The following CR1L variants were observed in gnomAD, a reference collection of about 807,000 sequenced individuals.
CR1L encodes the protein complement C3b/C4b receptor 1 like.
In CR1L, 59 loss-of-function variants were observed where a neutral mutation model predicts 62.3. The observed-to-expected ratio is 0.95, with a 90% CI of 0.77 to 1.18. The LOEUF (loss-of-function observed/expected upper bound fraction) is 1.18, where lower values mean the gene tolerates loss of function less well. Among genes scored for constraint, CR1L ranks in the 50% most tolerant of loss-of-function variants. The pLI, the probability that CR1L is intolerant of heterozygous loss-of-function variation, is 0.00. For missense variants in CR1L, 700 were observed against 702.8 expected, an observed-to-expected ratio of 1.00 and a Z score of 0.04; for synonymous variants, 279 against 248.7, an observed-to-expected ratio of 1.12 and a Z score of -1.15.
intron 1 of CR1L, among the ~76,000 whole-genome samples, chr1:207,648,174 AACACACACAC>A (rs71154832): frequency 8.8e-5 from 11 of 125,360 alleles, no homozygotes; most frequent in African/African-American, 1.9e-4. Context: ...CCCGGTCTCA[AACACACACAC>A]ACACACACAC....
At chr1:207,713,335 A>G (rs1244087370) in intron 10 of CR1L, among the ~76,000 whole-genome samples, 1 of 152,274 alleles carries the variant, frequency 6.6e-6, no homozygotes, top group African/African-American at 2.4e-5. Flanking sequence ...AAAACCAGTC[A>G]ATAATGGAAT....
intron 1 of CR1L, among the ~76,000 whole-genome samples, chr1:207,649,320 G>A (rs1054846229): frequency 2.0e-5 from 3 of 152,188 alleles, no homozygotes; most frequent in African/African-American, 7.2e-5. Context: ...TAGGGTAAAG[G>A]AGACAACAAA....
chr1:207,714,467 CT>C (rs1197867550), intron 10 of CR1L, among the ~76,000 whole-genome samples: 1 of 152,102 alleles, frequency 6.6e-6, no homozygotes, highest in Non-Finnish European at 1.5e-5. Context: ...CTGTCTTCAG[CT>C]TGAAGGTCGG....
chr1:207,654,594 C>T (rs925949666), intron 1 of CR1L, among the ~76,000 whole-genome samples: 3 of 152,164 alleles, frequency 2.0e-5, no homozygotes, highest in African/African-American at 4.8e-5. Flanking sequence ...TTCCTATACT[C>T]AATGAGCTAC....
chr1:207,720,949 C>T (rs977666863), intron 11 of CR1L, among the ~76,000 whole-genome samples: 136 of 152,180 alleles, frequency 8.9e-4, no homozygotes, highest in African/African-American at 3.0e-3. Flanking sequence ...CAATAGTCTC[C>T]CCACCTTCTG....
intron 1 of CR1L, among the ~76,000 whole-genome samples, chr1:207,647,326 G>A (rs972227853): frequency 6.6e-6 from 1 of 152,130 alleles, no homozygotes; most frequent in Non-Finnish European, 1.5e-5. Flanking sequence ...GTCCTGGAAC[G>A]TTCTCCCCAT....
At chr1:207,713,545 C>G (rs1173776143) in intron 10 of CR1L, among the ~76,000 whole-genome samples, 1 of 152,250 alleles carries the variant, frequency 6.6e-6, no homozygotes, top group African/African-American at 2.4e-5. Flanking sequence ...CCCACCCAGG[C>G]CGTGCCAGGC....
At chr1:207,691,999 G>A (rs74708352) in intron 4 of CR1L, among the ~76,000 whole-genome samples, 5,852 of 152,278 alleles carry the variant, frequency 0.038, 180 homozygotes, top group South Asian at 0.12. Flanking sequence ...ACAGAAGTGA[G>A]GTACAGAAAC....
intron 1 of CR1L, among the ~76,000 whole-genome samples, chr1:207,668,337 A>G (rs1412305610): frequency 2.6e-5 from 4 of 151,236 alleles, no homozygotes; most frequent in South Asian, 2.1e-4. Flanking sequence ...CTATTCAGCC[A>G]TAAGAAAGAA....
At chr1:207,663,958 C>A (rs1293799611) in intron 1 of CR1L, among the ~76,000 whole-genome samples, 1 of 152,136 alleles carries the variant, frequency 6.6e-6, no homozygotes, top group African/African-American at 2.4e-5. Flanking sequence ...TGCCTGCAGT[C>A]TTCCACACCT....
intron 9 of CR1L, among the ~76,000 whole-genome samples, chr1:207,705,545 GC>G (rs1664253894): frequency 6.6e-6 from 1 of 152,200 alleles, no homozygotes; most frequent in Non-Finnish European, 1.5e-5. Flanking sequence ...CAGAAAGGAA[GC>G]TTGTGGTGTC....
chr1:207,673,371 C>G (rs1673839109), intron 1 of CR1L, among the ~76,000 whole-genome samples: 1 of 152,110 alleles, frequency 6.6e-6, no homozygotes, highest in Non-Finnish European at 1.5e-5. Flanking sequence ...AGTGCATGCT[C>G]TTTTTTTAAG....
At chr1:207,709,301 G>C (rs1298792844) in intron 10 of CR1L, 1 of 155,640 alleles carries the variant, frequency 6.4e-6, no homozygotes. Context: ...CTATTCGGGA[G>C]ACTGAGAGGT....
chr1:207,710,501 A>G (rs1384279507), intron 10 of CR1L: 5 of 1,607,576 alleles, frequency 3.1e-6, no homozygotes, highest in African/African-American at 1.3e-5. Context: ...CAGAGGGAGA[A>G]AGGTGTTTGA....
At position 207,648,574 on chromosome 1, in the gene CR1L, T is replaced by G. The variant is rs568494824; in HGVS notation, c.97+3244T>G. On this transcript the variant is annotated intron_variant, in intron 1 of 11. Coordinates refer to ENST00000508064, the MANE Select transcript of CR1L (RefSeq NM_175710.2). ...AAGGTAGTTGCCAAATGGTTCCAGA[T>G]AGCAGAAGGAAACATGTGTCAAATT... 4.8e-5 allele frequency among the ~76,000 whole-genome samples: 6 copies of G among 124,432 alleles called. No homozygotes were observed. In the South Asian group the frequency reaches 1.5e-3, roughly 32 times the overall value. The allele number at this position is 124,432 out of a possible 152,430, so 81.6% of individuals were successfully genotyped here.
chr1:207,716,785 G>A (rs1654009334), intron 10 of CR1L, among the ~76,000 whole-genome samples: 1 of 152,042 alleles, frequency 6.6e-6, no homozygotes, highest in Non-Finnish European at 1.5e-5. Flanking sequence ...GATAAACTTG[G>A]GTATCTCTTC....
chr1:207,709,656 G>A (rs1211148369), intron 10 of CR1L, among the ~76,000 whole-genome samples: 1 of 151,388 alleles, frequency 6.6e-6, no homozygotes, highest in Non-Finnish European at 1.5e-5. Flanking sequence ...GGCCAACATG[G>A]TGCTACCCCA....
intron 7 of CR1L, 77 bp downstream of exon 7, chr1:207,697,950 T>C: frequency 2.5e-6 from 4 of 1,599,784 alleles, no homozygotes; most frequent in Non-Finnish European, 3.4e-6. Flanking sequence ...AGATTTGATG[T>C]GGCTTAAAAA....
At chr1:207,710,480 A>G in intron 10 of CR1L, 1 of 1,606,208 alleles carries the variant, frequency 6.2e-7, no homozygotes, top group Non-Finnish European at 8.5e-7. Flanking sequence ...CTACCACTGC[A>G]ATCTTGGAAG....
Sources: allele counts gnomAD v4.1 joint callset (sites outside exome capture counted in the v4.1 genomes callset), GRCh38; gene constraint gnomAD v4.1.1; transcripts MANE v1.5; gene names NCBI Gene and HGNC (gene_info 2026-07-23, HGNC 2026-07-21).